INHBA: variants seen among roughly 807,000 people sequenced by gnomAD.
INHBA encodes the protein inhibin subunit beta A, also known as inhibin beta A chain.
Under a neutral mutation model 29.0 loss-of-function variants are expected in INHBA, and 1 was observed. That is an observed-to-expected ratio of 0.03 (90% confidence interval 0.01 to 0.16). The LOEUF is 0.16. Among genes scored for constraint, INHBA ranks in the 10% least tolerant of loss-of-function variants. INHBA has a pLI of 1.00. For synonymous variants in INHBA, 242 were observed against 216.8 expected (o/e 1.12, Z -1.02); for missense variants, 376 against 545.4 (o/e 0.69, Z 3.09).
intron 2 of INHBA, 40 bp from the exon 3 acceptor site, chr7:41,690,582 T>C (rs754724869): frequency 6.6e-7 from 1 of 1,508,228 alleles, no homozygotes; most frequent in Non-Finnish European, 8.8e-7. Flanking sequence ...CAGGCACACC[T>C]GTTAATTCCA....
At chr7:41,690,965 A>G (rs1434300292) in intron 2 of INHBA, among the ~76,000 whole-genome samples, 1 of 151,996 alleles carries the variant, frequency 6.6e-6, no homozygotes, top group African/African-American at 2.4e-5. Context: ...AAGGTTTTGG[A>G]CCCTTGCTTT....
At chr7:41,695,646 T>C (rs1645338245) in intron 2 of INHBA, among the ~76,000 whole-genome samples, 1 of 152,222 alleles carries the variant, frequency 6.6e-6, no homozygotes, top group Non-Finnish European at 1.5e-5. Context: ...CAAACGTCCA[T>C]CATCCATGCC....
chr7:41,702,295 C>T (rs1465274310), intron 1 of INHBA, among the ~76,000 whole-genome samples: 4 of 152,176 alleles, frequency 2.6e-5, no homozygotes, highest in African/African-American at 9.7e-5. Flanking sequence ...ACAATGCTTT[C>T]TGAATTATAT....
At chr7:41,704,256 G>T (rs978605909), upstream of INHBA, among the ~76,000 whole-genome samples, 2 of 152,072 alleles carry the variant, frequency 1.3e-5, no homozygotes, top group Non-Finnish European at 2.9e-5. Context: ...GTGTAAAAGG[G>T]TCTCTCTTGG....
rs994358610 is a variant in INHBA at position 41,700,474 on chromosome 7, T to TA, written c.-101_-100insT. The TA allele has an allele frequency of 2.8e-4, 343 of 1,213,298 alleles. No individual in the cohort carries two copies. The highest frequency in any genetic ancestry group is 5.5e-4 in the African/African-American group (36 of 65,470). The allele number at this position is 1,213,298 out of a possible 1,614,324, so 75.2% of individuals were successfully genotyped here. On this transcript the variant is annotated 5_prime_UTR_variant, in exon 2 of 3. Transcript: ENST00000242208. ...TTGTGTGTGTGGATTTTTTTATTTTTTTTTTTGGTGTTTTTTTTTTCCTTC... is the reference window on the plus strand; with the variant it reads ...TTGTGTGTGTGGATTTTTTTATTTTTATTTTTTGGTGTTTTTTTTTTCCTTC...
rs111379520 is a variant in INHBA, at chr7:41,690,335, C to G, written c.596G>C (p.Gly199Ala). The stretch of plus-strand genomic sequence containing the variant: ...AGAGAGCAACAGTTCACTCCTCTCC[C>G]CCTTTAAGCCCACTTCCTCGGCCTC... Reference protein sequence around the residue: ...GEEAEEVGLKGERSELLLSEK... With the variant: ...GEEAEEVGLKAERSELLLSEK... Residue 199 changes from glycine to alanine, a missense_variant, in exon 3 of 3, where the codon GGG becomes GCG. This residue lies in a region of INHBA where 253 missense variants were observed against 313.4 expected (regional missense o/e 0.81). Coordinates refer to ENST00000242208, the MANE Select transcript of INHBA (RefSeq NM_002192.4). 3.1e-6 allele frequency: 5 copies of G among 1,614,072 alleles called. No homozygotes were observed. Among genetic ancestry groups the G allele is most frequent in the Admixed American group, 3.3e-5 (2 of 60,024 alleles).
chr7:41,704,534 A>G (rs1305128780), upstream of INHBA, among the ~76,000 whole-genome samples: 2 of 151,966 alleles, frequency 1.3e-5, no homozygotes, highest in Non-Finnish European at 2.9e-5. Context: ...AATGACCTTC[A>G]GGGCATCTAA....
chr7:41,689,510 T>G lies in INHBA; in HGVS notation c.*140A>C. ...CATCAGGTTTTGTTTTTAATTTACT[T>G]TTGTTTTTTTTTGTTTTTTTTTTTG... On this transcript the variant is annotated 3_prime_UTR_variant, in exon 3 of 3. Coordinates refer to ENST00000242208, the MANE Select transcript of INHBA (RefSeq NM_002192.4). The G allele has an allele frequency of 4.0e-6, 3 of 744,684 alleles. No homozygotes were observed. The highest frequency in any genetic ancestry group is 5.8e-6 in the Non-Finnish European group (3 of 513,208). 46.1% of individuals were successfully genotyped at this position (744,684 alleles called of 1,614,324 possible).
At chr7:41,697,882 C>T (rs573512517) in intron 2 of INHBA, among the ~76,000 whole-genome samples, 11 of 152,150 alleles carry the variant, frequency 7.2e-5, no homozygotes, top group Non-Finnish European at 1.5e-4. Context: ...TCATTAAATA[C>T]ATGAAATTAC....
intron 1 of INHBA, among the ~76,000 whole-genome samples, chr7:41,702,345 T>C (rs1794814407): frequency 6.6e-6 from 1 of 152,230 alleles, no homozygotes; most frequent in Non-Finnish European, 1.5e-5. Flanking sequence ...TGTAAGACTT[T>C]TTCTGTTACA....
rs1794752751 is a variant in INHBA at position 41,700,389 on chromosome 7, T to A, written c.-15A>T. ...AGCAAGGGCATCCTGGCAGCAAAAGTTGTTGTGATTGCCTTTTTAAAAGGC... is the reference window on the plus strand; with the variant it reads ...AGCAAGGGCATCCTGGCAGCAAAAGATGTTGTGATTGCCTTTTTAAAAGGC... On this transcript the variant is annotated 5_prime_UTR_variant, in exon 2 of 3. Coordinates refer to ENST00000242208, the MANE Select transcript of INHBA (RefSeq NM_002192.4). The A allele has an allele frequency of 7.0e-7, 1 of 1,434,566 alleles. No homozygotes were observed. Among genetic ancestry groups the A allele is most frequent in the Non-Finnish European group, 9.2e-7 (1 of 1,092,704 alleles). The allele number at this position is 1,434,566 out of a possible 1,614,324, so 88.9% of individuals were successfully genotyped here. A position where few individuals can be genotyped will look rare whatever the true frequency, so the allele number is the denominator to read the frequency against.
rs926319699 is a variant in INHBA, at chr7:41,688,073, G to T, written c.*1577C>A. The T allele has an allele frequency of 2.0e-5, 3 of 152,152 alleles. No homozygotes were observed. Among genetic ancestry groups the T allele is most frequent in the African/African-American group, 7.2e-5 (3 of 41,428 alleles). 9.4% of individuals were successfully genotyped at this position (152,152 alleles called of 1,614,324 possible). A position where few individuals can be genotyped will look rare whatever the true frequency, so the allele number is the denominator to read the frequency against. ...CGAATTTTTGAAATGCGCCCACCTA[G>T]TTCAGAGTAAAAGCAAAAACTATAG... On this transcript the variant is annotated 3_prime_UTR_variant, in exon 3 of 3. Coordinates refer to ENST00000242208, the MANE Select transcript of INHBA (RefSeq NM_002192.4).
chr7:41,701,686 G>A (rs1395438520), intron 1 of INHBA, among the ~76,000 whole-genome samples: 1 of 152,114 alleles, frequency 6.6e-6, no homozygotes, highest in Non-Finnish European at 1.5e-5. Flanking sequence ...AAATTCTCTT[G>A]GCCTTTCCCA....
Position 41,685,798 on chromosome 7 carries a change from A to G in INHBA, c.*3852T>C, listed in dbSNP as rs979962339. ...TAAGCATTCATTTTCTCTGACCCAT[A>G]CAACAGCTTCTCAGTGATACAGGGT... On this transcript the variant is annotated 3_prime_UTR_variant, in exon 3 of 3. Coordinates refer to ENST00000242208, the MANE Select transcript of INHBA (RefSeq NM_002192.4). The G allele has an allele frequency of 3.3e-5, 5 of 152,162 alleles. No individual in the cohort carries two copies. Among genetic ancestry groups the G allele is most frequent in the African/African-American group, 9.6e-5 (4 of 41,454 alleles). 9.4% of individuals were successfully genotyped at this position (152,162 alleles called of 1,614,324 possible).
chr7:41,690,595 A>G, intron 2 of INHBA, 53 bp from the exon 3 acceptor site: 1 of 1,481,078 alleles, frequency 6.8e-7, no homozygotes, highest in East Asian at 2.4e-5. Flanking sequence ...TAATTCCAAC[A>G]TTTACATGCA....
intron 2 of INHBA, among the ~76,000 whole-genome samples, chr7:41,697,661 T>C (rs895885368): frequency 3.3e-5 from 5 of 152,244 alleles, no homozygotes; most frequent in Non-Finnish European, 7.3e-5. Context: ...CATTCCTTTT[T>C]CTATTCTCCA....
upstream of INHBA, among the ~76,000 whole-genome samples, chr7:41,704,514 T>C (rs1794866704): frequency 6.6e-6 from 1 of 151,980 alleles, no homozygotes; most frequent in African/African-American, 2.4e-5. Context: ...TGCTGAGAAT[T>C]AGTGGAGTCA....
chr7:41,699,200 C>G (rs1794715722), intron 2 of INHBA, among the ~76,000 whole-genome samples: 1 of 152,168 alleles, frequency 6.6e-6, no homozygotes, highest in Admixed American at 6.5e-5. Context: ...GTGAGTTCAG[C>G]GTAGTATCTG....
intron 2 of INHBA, among the ~76,000 whole-genome samples, chr7:41,693,064 T>C (rs979472268): frequency 6.6e-6 from 1 of 152,226 alleles, no homozygotes; most frequent in Non-Finnish European, 1.5e-5. Context: ...AGATACCTGC[T>C]GTTTTCCCTT....
Sources: gnomAD v4.1 joint callset for allele counts (sites outside exome capture counted in the v4.1 genomes callset) on GRCh38, gnomAD v4.1.1 for gene constraint, gnomAD v4.1.1 regional missense constraint, MANE v1.5 for transcripts, NCBI Gene and HGNC (gene_info 2026-07-23, HGNC 2026-07-21) for gene names.